Variants in SHC2 observed in about 807,000 individuals in gnomAD.
The protein encoded by SHC2 is SHC-transforming protein 2.
A neutral mutation model predicts 60.6 loss-of-function variants in SHC2; 62 were observed. That is an observed-to-expected ratio of 1.02 (90% CI 0.83 to 1.26). The LOEUF (loss-of-function observed/expected upper bound fraction) is 1.26, where lower values mean the gene tolerates loss of function less well. Ranked by LOEUF, SHC2 falls within the 50% of genes most tolerant of loss-of-function variation. The probability of loss-of-function intolerance (pLI) is 0.00; values close to 1 mark genes in which losing one functional copy is unlikely to be tolerated. For missense variants in SHC2, 873 were observed against 822.2 expected, an observed-to-expected ratio of 1.06 and a Z score of -0.76; for synonymous variants, 375 against 372.4, an observed-to-expected ratio of 1.01 and a Z score of -0.08.
chr19:419,191 G>C, intron 11 of SHC2, 135 bp from the exon 12 acceptor site: 1 of 1,002,076 alleles, frequency 1.0e-6, no homozygotes, highest in Non-Finnish European at 1.4e-6. Flanking sequence ...AGGGAATTCC[G>C]GGACACCAGC....
intron 9 of SHC2, among the ~76,000 whole-genome samples, chr19:427,963 C>A (rs759811458): frequency 6.6e-6 from 1 of 151,794 alleles, no homozygotes; most frequent in Non-Finnish European, 1.5e-5. Context: ...GGGGAGGGGA[C>A]GGCACAGGGA....
At chr19:430,829 C>A in intron 8 of SHC2, 82 bp from the exon 9 acceptor site, 1 of 1,318,682 alleles carries the variant, frequency 7.6e-7, no homozygotes, top group South Asian at 1.3e-5. Context: ...CCCGCCCGGC[C>A]CTCTTAGATG....
chr19:438,600 C>T lies in SHC2; in HGVS notation c.720+118G>A, dbSNP rs975279302. 35 of 1,221,750 alleles carry T rather than the reference C, an allele frequency of 2.9e-5. No individual in the cohort carries two copies. The highest frequency in any genetic ancestry group is 1.2e-4 in the African/African-American group (8 of 66,186). The allele number at this position is 1,221,750 out of a possible 1,614,324, so 75.7% of individuals were successfully genotyped here. A position where few individuals can be genotyped will look rare whatever the true frequency, so the allele number is the denominator to read the frequency against. Reference sequence around the variant, plus strand: ...GCTCCTGCTCAGCGGGGCCTCGGCTCGTCTTTCTGGATAAACGCCACCTGC... The same window carrying T: ...GCTCCTGCTCAGCGGGGCCTCGGCTTGTCTTTCTGGATAAACGCCACCTGC... On this transcript the variant is annotated intron_variant, in intron 4 of 12. Transcript: ENST00000264554. This position sits in a 1 kb window ranked among gnomAD's most constrained non-coding sequence, Gnocchi z 5.0.
rs1472112348 is a variant in SHC2, at chr19:425,472, T to C, written c.1175-241A>G. ...GGACAAGAGTGGGGCAGCGTGCGGC[T>C]GGGGCTGTGGGCACCAGACGTCCAC... is the stretch of plus-strand genomic sequence containing the variant. On this transcript the variant is annotated intron_variant, in intron 9 of 12. Coordinates refer to ENST00000264554, the MANE Select transcript of SHC2 (RefSeq NM_012435.3). This position sits in a 1 kb window ranked among gnomAD's most constrained non-coding sequence, Gnocchi z 4.1. 6.6e-6 allele frequency among the ~76,000 whole-genome samples: 1 copy of C among 152,152 alleles called. No individual in the cohort carries two copies. The highest frequency in any genetic ancestry group is 2.4e-5 in the African/African-American group (1 of 41,436).
chr19:451,558 G>A (rs1448209712), intron 1 of SHC2, among the ~76,000 whole-genome samples: 1 of 152,188 alleles, frequency 6.6e-6, no homozygotes, highest in Non-Finnish European at 1.5e-5. Flanking sequence ...TCCAAGAAGT[G>A]AAATTGGTGG....
At position 436,441 on chromosome 19, in the gene SHC2, G is replaced by A. The variant is rs749078283; in HGVS notation, c.775-10C>T. The A allele has an allele frequency of 6.2e-7, 1 of 1,602,030 alleles. No homozygotes were observed. Among genetic ancestry groups the A allele is most frequent in the Admixed American group, 1.7e-5 (1 of 57,714 alleles). On this transcript the variant is annotated splice_polypyrimidine_tract_variant and intron_variant, in intron 5 of 12. Transcript: ENST00000264554. ...CGTAATCCGTCATGTCCTGGGGGCG[G>A]GGAGGGGCCAGCTGGACCTGCCTGG...
rs1974746389 is a variant in SHC2, at chr19:437,255, T to TC, written c.721-573_721-572insG. On this transcript the variant is annotated intron_variant, in intron 4 of 12. Coordinates refer to ENST00000264554, the MANE Select transcript of SHC2 (RefSeq NM_012435.3). ...GTTTGCGAGCTCATCTGCGTGCTCGTTTGCGTGCTCGTCTGCGTGCTCGTC... is the reference window on the plus strand; with the variant it reads ...GTTTGCGAGCTCATCTGCGTGCTCGTCTTGCGTGCTCGTCTGCGTGCTCGTC... Among the ~76,000 whole-genome samples, 13 of 151,692 alleles carry TC rather than the reference T, an allele frequency of 8.6e-5. No homozygotes were observed. In the South Asian group the frequency reaches 2.1e-3, roughly 24 times the overall value.
intron 1 of SHC2, among the ~76,000 whole-genome samples, chr19:443,245 G>A (rs1377508378): frequency 6.6e-6 from 1 of 151,182 alleles, no homozygotes; most frequent in Non-Finnish European, 1.5e-5. Flanking sequence ...TGGATAGTTG[G>A]ATGGGTGGAC....
Position 445,496 on chromosome 19 carries a change from G to A in SHC2, c.469-4564C>T, listed in dbSNP as rs996038715. Among the ~76,000 whole-genome samples the A allele has an allele frequency of 1.3e-5, 2 of 152,226 alleles. No homozygotes were observed. The highest frequency in any genetic ancestry group is 4.8e-5 in the African/African-American group (2 of 41,470). On this transcript the variant is annotated intron_variant, in intron 1 of 12. Transcript: ENST00000264554. The surrounding 1 kb of genome is among the most constrained non-coding windows in gnomAD (Gnocchi z 4.4). ...TGCCTGTAATCGCAGCACTTCAGGA[G>A]ACCTAGGTGGGAGGCTGTCTCGAAG...
In SHC2 at chr19:438,638, G is replaced by A. The variant is rs986533925; in HGVS notation, c.720+80C>T. On this transcript the variant is annotated intron_variant, in intron 4 of 12. Coordinates refer to ENST00000264554, the MANE Select transcript of SHC2 (RefSeq NM_012435.3). The surrounding 1 kb of genome is among the most constrained non-coding windows in gnomAD (Gnocchi z 5.0). ...AAACGCCACCTGCTGCCCGCCCCCA[G>A]CACCCCACCTGGCTTTGCCTCCTAG... 5 of 1,469,328 alleles carry A rather than the reference G, an allele frequency of 3.4e-6. No homozygotes were observed. In the African/African-American group the frequency reaches 5.6e-5, roughly 16 times the overall value. 91.0% of individuals were successfully genotyped at this position (1,469,328 alleles called of 1,614,324 possible).
intron 11 of SHC2, among the ~76,000 whole-genome samples, chr19:421,207 G>C (rs1156505353): frequency 6.6e-6 from 1 of 151,632 alleles, no homozygotes; most frequent in Non-Finnish European, 1.5e-5. Flanking sequence ...GAACAGCCTG[G>C]CCAATATAGT....
intron 10 of SHC2, among the ~76,000 whole-genome samples, chr19:423,014 G>A (rs966878565): frequency 1.3e-5 from 2 of 152,210 alleles, no homozygotes; most frequent in African/African-American, 4.8e-5. Context: ...TCCCCAGGCA[G>A]AAAGCAGCAT....
chr19:422,464 C>T lies in SHC2; in HGVS notation c.1310-8G>A, dbSNP rs375293480. On this transcript the variant is annotated splice_region_variant and splice_polypyrimidine_tract_variant and intron_variant, in intron 10 of 12. Transcript: ENST00000264554. This position sits in a 1 kb window ranked among gnomAD's most constrained non-coding sequence, Gnocchi z 5.0. Reference sequence around the variant, plus strand: ...GGGCATCCTCAAAGGGTCCTGCAGGCCAGGGACAGGAGTGCTGGGCAGGCA... The same window carrying T: ...GGGCATCCTCAAAGGGTCCTGCAGGTCAGGGACAGGAGTGCTGGGCAGGCA... The T allele has an allele frequency of 1.3e-6, 2 of 1,524,190 alleles. No individual in the cohort carries two copies. 94.4% of individuals were successfully genotyped at this position (1,524,190 alleles called of 1,614,324 possible).
intron 1 of SHC2, among the ~76,000 whole-genome samples, chr19:456,881 T>TGCCCC: frequency 8.3e-6 from 1 of 120,950 alleles, no homozygotes; most frequent in Non-Finnish European, 1.8e-5. Flanking sequence ...GCACCTGCTG[T>TGCCCC]GCCCCTGCCT....
At chr19:436,830 C>G in intron 4 of SHC2, 147 bp from the exon 5 acceptor site, 1 of 802,702 alleles carries the variant, frequency 1.2e-6, no homozygotes, top group South Asian at 1.7e-5. Flanking sequence ...CCACTGCAGC[C>G]GGGTCCTGGG....
intron 8 of SHC2, 62 bp downstream of exon 8, chr19:434,647 A>G: frequency 2.2e-6 from 3 of 1,376,876 alleles, no homozygotes; most frequent in Non-Finnish European, 2.8e-6. Flanking sequence ...AGCTGGAGGT[A>G]GGTCCAGGGA....
At chr19:447,202 G>A (rs933057381) in intron 1 of SHC2, among the ~76,000 whole-genome samples, 10 of 152,262 alleles carry the variant, frequency 6.6e-5, no homozygotes, top group African/African-American at 2.2e-4. Context: ...TGAGGACGCC[G>A]GACAGGAAAG....
At chr19:450,630 C>G (rs1975158658) in intron 1 of SHC2, among the ~76,000 whole-genome samples, 6 of 152,246 alleles carry the variant, frequency 3.9e-5, no homozygotes, top group Admixed American at 3.9e-4. Flanking sequence ...GTGAGACATC[C>G]TCAAGGTCCG....
chr19:458,313 T>TCC (rs1975422930), intron 1 of SHC2, among the ~76,000 whole-genome samples: 7 of 56,438 alleles, frequency 1.2e-4, no homozygotes, highest in South Asian at 7.5e-4. Flanking sequence ...AAGCGGGTCT[T>TCC]GGGGAGGCGG....
Sources: allele counts gnomAD v4.1 joint callset (sites outside exome capture counted in the v4.1 genomes callset), GRCh38; gene constraint gnomAD v4.1.1; non-coding constraint Gnocchi (gnomAD v3.1); transcripts MANE v1.5; gene names NCBI Gene and HGNC (gene_info 2026-07-23, HGNC 2026-07-21).